Variants in KIF16B observed in about 807,000 individuals in gnomAD.
KIF16B encodes kinesin family member 16B.
KIF16B carries 98 observed loss-of-function variants against 156.3 expected under a neutral mutation model. The ratio of observed to expected loss-of-function variants is 0.63; its 90% CI spans 0.53 to 0.74. The LOEUF (loss-of-function observed/expected upper bound fraction) is 0.74. Ranked by LOEUF, KIF16B falls within the 30% of genes least tolerant of loss-of-function variation. KIF16B has a pLI of 0.00. For synonymous variants in KIF16B, 564 were observed against 583.7 expected, an observed-to-expected ratio of 0.97 and a Z score of 0.49; for missense variants, 1,421 against 1,606.5, an observed-to-expected ratio of 0.88 and a Z score of 1.97.
At chr20:16,316,063 T>C (rs1261746487) in intron 24 of KIF16B, among the ~76,000 whole-genome samples, 1 of 152,232 alleles carries the variant, frequency 6.6e-6, no homozygotes, top group African/African-American at 2.4e-5. Context: ...CTTTAGAGAA[T>C]CCTAACAGTG....
intron 24 of KIF16B, among the ~76,000 whole-genome samples, chr20:16,319,900 G>C (rs916904429): frequency 2.6e-5 from 4 of 152,198 alleles, no homozygotes; most frequent in African/African-American, 9.7e-5. Context: ...GCTCTTAAGA[G>C]AAAGTGTTTT....
chr20:16,279,041 G>A (rs1470126208), intron 25 of KIF16B, among the ~76,000 whole-genome samples: 1 of 152,154 alleles, frequency 6.6e-6, no homozygotes, highest in Non-Finnish European at 1.5e-5. Context: ...AGGGAGCCAA[G>A]GCAGCTCAGG....
chr20:16,490,914 T>C (rs1013592601), intron 12 of KIF16B, among the ~76,000 whole-genome samples: 2 of 152,128 alleles, frequency 1.3e-5, no homozygotes, highest in African/African-American at 4.8e-5. Context: ...GCTCGCGGAA[T>C]GATAATGAGA....
chr20:16,486,656 C>A (rs1198175183), intron 12 of KIF16B, among the ~76,000 whole-genome samples: 1 of 152,134 alleles, frequency 6.6e-6, no homozygotes, highest in Non-Finnish European at 1.5e-5. Flanking sequence ...ACCACTGCAG[C>A]CAATTTCTGC....
intron 23 of KIF16B, among the ~76,000 whole-genome samples, chr20:16,336,643 A>G (rs992825432): frequency 2.0e-5 from 3 of 152,112 alleles, no homozygotes; most frequent in Non-Finnish European, 2.9e-5. Flanking sequence ...GTCACCCAGG[A>G]ACCTCCAATT....
chr20:16,333,565 A>C (rs1284688050), intron 24 of KIF16B, among the ~76,000 whole-genome samples: 5 of 152,030 alleles, frequency 3.3e-5, no homozygotes, highest in African/African-American at 9.7e-5. Flanking sequence ...TTTGTAATAC[A>C]CCCTTTTTCC....
chr20:16,551,262 C>T (rs1173362985), intron 1 of KIF16B, among the ~76,000 whole-genome samples: 1 of 151,924 alleles, frequency 6.6e-6, no homozygotes, highest in Non-Finnish European at 1.5e-5. Flanking sequence ...TCCTAAGTAG[C>T]GGAGATTACA....
rs747123789 is a variant in KIF16B at position 16,379,805 on chromosome 20, G to A, written c.2197C>T (p.Leu733Phe). 3.7e-6 allele frequency: 6 copies of A among 1,614,036 alleles called. No individual in the cohort carries two copies. The highest frequency in any genetic ancestry group is 1.6e-4 in the Middle Eastern group (1 of 6,084). ...TACTGTTCATCTTTTTCCTTTTGGA[G>A]CTGGTCCAGTTCTTGAAATATCTGA... ...KFQIFQELDQ[L>F]QKEKDEQYAK... The change falls in exon 19 of 26, where the codon CTC becomes TTC. Residue 733 changes from leucine to phenylalanine, a missense_variant. Transcript: ENST00000354981.
intron 25 of KIF16B, among the ~76,000 whole-genome samples, chr20:16,288,691 G>C (rs113388948): frequency 1.5e-5 from 2 of 135,428 alleles, no homozygotes; most frequent in Admixed American, 7.4e-5. Context: ...ATAAGTGGAA[G>C]AGCATCTGTA....
chr20:16,518,448 A>G (rs1332201152), intron 3 of KIF16B, among the ~76,000 whole-genome samples: 2 of 152,166 alleles, frequency 1.3e-5, no homozygotes, highest in African/African-American at 4.8e-5. Flanking sequence ...GGGTAATCCA[A>G]GGCATCACTG....
intron 1 of KIF16B, among the ~76,000 whole-genome samples, chr20:16,556,845 C>T (rs2070867203): frequency 6.6e-6 from 1 of 152,152 alleles, no homozygotes; most frequent in South Asian, 2.1e-4. Flanking sequence ...CCACTGTTAT[C>T]TGTGGTTAGC....
At chr20:16,534,194 G>C (rs1168298721) in intron 1 of KIF16B, among the ~76,000 whole-genome samples, 1 of 152,098 alleles carries the variant, frequency 6.6e-6, no homozygotes, top group African/African-American at 2.4e-5. Context: ...GACAGAGGTT[G>C]CAGTGAGCTG....
chr20:16,376,239 C>A (rs1042136337), intron 19 of KIF16B, among the ~76,000 whole-genome samples: 1 of 152,068 alleles, frequency 6.6e-6, no homozygotes, highest in Non-Finnish European at 1.5e-5. Context: ...CTCTGTTATC[C>A]CTGCTATGGT....
chr20:16,426,522 T>G (rs1340276076), intron 15 of KIF16B, among the ~76,000 whole-genome samples: 1 of 152,148 alleles, frequency 6.6e-6, no homozygotes, highest in Non-Finnish European at 1.5e-5. Context: ...GGTCTGAGGA[T>G]CCGATGGTAG....
chr20:16,302,014 T>C (rs899093346), intron 25 of KIF16B, among the ~76,000 whole-genome samples: 2 of 152,212 alleles, frequency 1.3e-5, no homozygotes, highest in Non-Finnish European at 2.9e-5. Context: ...GTTCTTTGTA[T>C]ACTTGGAATT....
chr20:16,406,231 C>A, intron 16 of KIF16B, 143 bp downstream of exon 16: 1 of 705,386 alleles, frequency 1.4e-6, no homozygotes. Flanking sequence ...GAAACAATCT[C>A]CCTAGAATCA....
chr20:16,440,526 AGC>A lies in KIF16B; in HGVS notation c.1303-10546_1303-10545del, dbSNP rs201313385. 2.8e-3 allele frequency among the ~76,000 whole-genome samples: 278 copies of A among 99,454 alleles called. 3 individuals carry two copies. The highest frequency in any genetic ancestry group is 5.4e-3 in the Middle Eastern group (1 of 184). The allele number at this position is 99,454 out of a possible 152,430, so 65.2% of individuals were successfully genotyped here. ...ACAATACCTATGGTTAAAACACACA[AGC>A]GCGCGCACACACACACACACACACA... On this transcript the variant is annotated intron_variant, in intron 12 of 25. Transcript: ENST00000354981.
chr20:16,416,158 T>A (rs1022647155), intron 15 of KIF16B, among the ~76,000 whole-genome samples: 1 of 152,158 alleles, frequency 6.6e-6, no homozygotes, highest in East Asian at 1.9e-4. Flanking sequence ...ATTCTGTAGG[T>A]TGTCTGTTTG....
chr20:16,292,524 T>C (rs1439814194), intron 25 of KIF16B, among the ~76,000 whole-genome samples: 2 of 152,204 alleles, frequency 1.3e-5, no homozygotes, highest in East Asian at 1.9e-4. Context: ...GCACCTTTTA[T>C]CTGAAAAAAA....
Sources: gnomAD v4.1 joint callset for allele counts (sites outside exome capture counted in the v4.1 genomes callset) on GRCh38, gnomAD v4.1.1 for gene constraint, MANE v1.5 for transcripts, NCBI Gene and HGNC (gene_info 2026-07-23, HGNC 2026-07-21) for gene names.